Variants in EED observed in about 807,000 individuals in gnomAD.
EED encodes the protein embryonic ectoderm development.
In EED, 9 loss-of-function variants were observed where a neutral mutation model predicts 61.0. The observed-to-expected ratio is 0.15, with a 90% confidence interval of 0.09 to 0.26. EED has a LOEUF of 0.26. EED is among the 10% of genes least tolerant of loss of function. The pLI is 1.00. For synonymous variants in EED, 187 were observed against 174.4 expected, an observed-to-expected ratio of 1.07 and a Z score of -0.57; for missense variants, 315 against 542.3, an observed-to-expected ratio of 0.58 and a Z score of 4.16.
At chr11:86,253,572 AC>A (rs2138146488) in intron 3 of EED, among the ~76,000 whole-genome samples, 1 of 152,328 alleles carries the variant, frequency 6.6e-6, no homozygotes, top group South Asian at 2.1e-4. Context: ...AAGAAAGAAA[AC>A]AAAAACAATT....
chr11:86,257,004 G>A (rs149050940), intron 5 of EED, among the ~76,000 whole-genome samples: 179 of 151,890 alleles, frequency 1.2e-3, no homozygotes, highest in Admixed American at 2.2e-3. Flanking sequence ...CCGCTAATCC[G>A]ATCAGAATAT....
chr11:86,273,693 A>G (rs1002183028), intron 9 of EED, among the ~76,000 whole-genome samples: 1 of 152,050 alleles, frequency 6.6e-6, no homozygotes, highest in Non-Finnish European at 1.5e-5. Flanking sequence ...ATTCACAGTT[A>G]TTTTCTTTCA....
intron 11 of EED, 113 bp downstream of exon 11, chr11:86,278,104 T>C (rs1946274616): frequency 7.3e-7 from 1 of 1,374,388 alleles, no homozygotes; most frequent in Non-Finnish European, 9.4e-7. Flanking sequence ...ATTTTTAACA[T>C]TTACTGTTTT....
intron 1 of EED, 138 bp from the exon 2 acceptor site, chr11:86,250,158 T>C (rs991336086): frequency 2.8e-6 from 2 of 706,430 alleles, no homozygotes; most frequent in Non-Finnish European, 4.2e-6. Flanking sequence ...TTTATCCTTA[T>C]GTGGAGGCAA....
intron 9 of EED, among the ~76,000 whole-genome samples, chr11:86,271,319 T>TTA (rs1211874873): frequency 6.6e-6 from 1 of 152,254 alleles, no homozygotes; most frequent in African/African-American, 2.4e-5. Flanking sequence ...TTTTCCATTT[T>TTA]TATGTGTTCA....
chr11:86,281,408 A>C (rs184220811), downstream of EED, among the ~76,000 whole-genome samples: 38 of 150,166 alleles, frequency 2.5e-4, no homozygotes, highest in African/African-American at 9.3e-4. Flanking sequence ...TTGTTTTTTC[A>C]TTTTTTTATT....
At chr11:86,272,269 A>G (rs1428100130) in intron 9 of EED, among the ~76,000 whole-genome samples, 2 of 150,520 alleles carry the variant, frequency 1.3e-5, no homozygotes, top group African/African-American at 2.5e-5. Flanking sequence ...TGTGTTAGCC[A>G]GGATGGTCTC....
Position 86,245,446 on chromosome 11 carries a change from A to T in EED, c.114+103A>T. On this transcript the variant is annotated intron_variant, in intron 1 of 11. Transcript: ENST00000263360. ...AGCGGGCTGCTGTGGGGGGAGGGAGAGGTGTCACTCAGGAAAACGCGGGCG... is the reference window on the plus strand; with the variant it reads ...AGCGGGCTGCTGTGGGGGGAGGGAGTGGTGTCACTCAGGAAAACGCGGGCG... 1.5e-5 allele frequency: 14 copies of T among 963,556 alleles called. No individual in the cohort carries two copies. The South Asian group carries it at 2.0e-4, about 14-fold the overall frequency. The allele number at this position is 963,556 out of a possible 1,614,324, so 59.7% of individuals were successfully genotyped here.
chr11:86,285,509 C>T, the EED span, among the ~76,000 whole-genome samples: 112 of 152,248 alleles, frequency 7.4e-4, no homozygotes, highest in African/African-American at 2.6e-3. Context: ...CTCAACTGGT[C>T]GTGGTTTTAA....
chr11:86,282,271 A>T (rs1377768730), downstream of EED, among the ~76,000 whole-genome samples: 1 of 152,210 alleles, frequency 6.6e-6, no homozygotes, highest in Non-Finnish European at 1.5e-5. Context: ...ACTACCTTTA[A>T]TTTTTGTACA....
intron 6 of EED, among the ~76,000 whole-genome samples, chr11:86,261,435 CCA>C (rs1358083228): frequency 1.3e-5 from 2 of 152,214 alleles, no homozygotes; most frequent in Admixed American, 6.5e-5. Context: ...CACGTGCAGC[CCA>C]CATAGCATCT....
At chr11:86,270,258 A>G (rs113643302) in intron 9 of EED, 28 of 515,992 alleles carry the variant, frequency 5.4e-5, no homozygotes, top group African/African-American at 1.2e-4. Context: ...GATGTTGAAC[A>G]TCTTTTTCAT....
chr11:86,275,284 G>T (rs990393705), intron 9 of EED, among the ~76,000 whole-genome samples: 3 of 152,190 alleles, frequency 2.0e-5, no homozygotes, highest in Non-Finnish European at 2.9e-5. Context: ...ACCAGCAGAA[G>T]TAAAAAGCTA....
intron 3 of EED, 108 bp downstream of exon 3, chr11:86,252,348 C>T (rs1945553096): frequency 1.4e-6 from 1 of 725,882 alleles, no homozygotes; most frequent in Non-Finnish European, 2.2e-6. Flanking sequence ...GCTGGTTTAG[C>T]AATATGATTC....
intron 8 of EED, 73 bp downstream of exon 8, chr11:86,266,289 TGCTATATAA>T: frequency 2.2e-6 from 3 of 1,344,130 alleles, no homozygotes; most frequent in Non-Finnish European, 3.0e-6. Flanking sequence ...TTCCCAAAAT[TGCTATATAA>T]GCCCCAACAA....
intron 6 of EED, among the ~76,000 whole-genome samples, chr11:86,261,267 A>T (rs1289772753): frequency 1.3e-5 from 2 of 152,256 alleles, no homozygotes; most frequent in African/African-American, 4.8e-5. Flanking sequence ...GAATAAGGGT[A>T]ACTGGTCCCA....
intron 9 of EED, among the ~76,000 whole-genome samples, chr11:86,269,791 C>G (rs748419666): frequency 6.6e-6 from 1 of 152,140 alleles, no homozygotes; most frequent in Non-Finnish European, 1.5e-5. Context: ...TTTTTCCACT[C>G]AAACCCTTGA....
intron 2 of EED, 37 bp downstream of exon 2, chr11:86,250,485 G>A: frequency 1.3e-6 from 2 of 1,485,246 alleles, no homozygotes; most frequent in Non-Finnish European, 8.9e-7. Flanking sequence ...CTGAATGCTA[G>A]GCTTCAGAAA....
intron 3 of EED, among the ~76,000 whole-genome samples, chr11:86,254,395 A>C (rs1270352390): frequency 1.4e-5 from 2 of 148,092 alleles, no homozygotes; most frequent in African/African-American, 2.5e-5. Flanking sequence ...ATCTTGGCTC[A>C]CTGCAACTTC....
Sources: allele counts gnomAD v4.1 joint callset (sites outside exome capture counted in the v4.1 genomes callset), GRCh38; gene constraint gnomAD v4.1.1; transcripts MANE v1.5; gene names NCBI Gene and HGNC (gene_info 2026-07-23, HGNC 2026-07-21).